C18orf63: variants seen among roughly 807,000 people sequenced by gnomAD.
C18orf63 encodes the protein uncharacterized protein C18orf63.
Under a neutral mutation model 75.3 loss-of-function variants are expected in C18orf63, and 50 were observed. The ratio of observed to expected loss-of-function variants is 0.66; its 90% CI spans 0.53 to 0.84. C18orf63 has a LOEUF of 0.84. C18orf63 is among the 40% of genes least tolerant of loss of function. The probability of loss-of-function intolerance (pLI) is 0.00; values close to 1 mark genes in which losing one functional copy is unlikely to be tolerated. For missense variants in C18orf63, 732 were observed against 800.2 expected (o/e 0.91, Z 1.03); for synonymous variants, 232 against 267.6 (o/e 0.87, Z 1.30).
At chr18:74,319,702 G>A (rs1393649259) in intron 2 of C18orf63, among the ~76,000 whole-genome samples, 1 of 152,118 alleles carries the variant, frequency 6.6e-6, no homozygotes, top group African/African-American at 2.4e-5. Context: ...ACTGATAGGT[G>A]AATCCTTAGA....
Position 74,338,772 on chromosome 18 carries a change from G to C in C18orf63, c.559G>C (p.Ala187Pro), listed in dbSNP as rs943258333. The stretch of plus-strand genomic sequence containing the variant: ...AAAGGATTTTCATGCTAACAAGCAT[G>C]CTGTCATTGAGAGACATTCCATTTT... ...IIKDFHANKH[A>P]VIERHSILSN... Residue 187 changes from alanine to proline, a missense_variant, in exon 8 of 14, where the codon GCT (alanine) becomes CCT (proline). This residue lies in a region of C18orf63 where 233 missense variants were observed against 272.7 expected (regional missense o/e 0.85). Transcript: ENST00000579455. 1.8e-5 allele frequency: 25 copies of C among 1,426,140 alleles called. No individual in the cohort carries two copies. Among genetic ancestry groups the C allele is most frequent in the Admixed American group, 4.4e-5 (2 of 44,948 alleles). The allele number at this position is 1,426,140 out of a possible 1,614,324, so 88.3% of individuals were successfully genotyped here.
chr18:74,352,384 A>T (rs1364179742), intron 11 of C18orf63, among the ~76,000 whole-genome samples: 1 of 152,240 alleles, frequency 6.6e-6, no homozygotes, highest in Admixed American at 6.5e-5. Context: ...TTCACTTAAA[A>T]ATGGTTAAAA....
intron 1 of C18orf63, among the ~76,000 whole-genome samples, chr18:74,316,531 C>T (rs890205114): frequency 6.6e-6 from 1 of 152,166 alleles, no homozygotes; most frequent in Non-Finnish European, 1.5e-5. Context: ...AGGAGCTGGG[C>T]GCTCCCAGAG....
Position 74,343,599 on chromosome 18 carries a change from T to C in C18orf63, c.875T>C (p.Leu292Pro). ...TCGGAAGTTGTGTTGAAAAGTTTTC[T>C]TTCAGATTTAAAATCTAAACTGCCC... Reference protein sequence around the residue: ...VDSEVVLKSFLSDLKSKLPHI... With the variant: ...VDSEVVLKSFPSDLKSKLPHI... Residue 292 changes from leucine (L) to proline (P), a missense_variant, in exon 11 of 14, where the codon CTT (leucine) becomes CCT (proline). Transcript: ENST00000579455. 2 of 1,535,162 alleles carry C rather than the reference T, an allele frequency of 1.3e-6. No individual in the cohort carries two copies. The highest frequency in any genetic ancestry group is 1.4e-5 in the African/African-American group (1 of 73,144).
intron 13 of C18orf63, 93 bp from the exon 14 acceptor site, chr18:74,356,388 C>G (rs1984765596): frequency 1.3e-5 from 2 of 152,476 alleles, no homozygotes; most frequent in South Asian, 4.2e-4. Context: ...ATAATTTCCC[C>G]TAAATATAAA....
At position 74,322,754 on chromosome 18, in the gene C18orf63, G is replaced by A. The variant is rs1175876880; in HGVS notation, c.270G>A (p.Lys90=). Reference sequence around the variant, plus strand: ...CCTATGTTGAAAAATATGGAGCTAAGGTAAGTGTTAAAAAATGATATTAAT... The same window carrying A: ...CCTATGTTGAAAAATATGGAGCTAAAGTAAGTGTTAAAAAATGATATTAAT... The part of the protein sequence containing the change: ...LNAYVEKYGA[K]MEAPQRVIPV... Residue 90 remains lysine, a splice_region_variant and synonymous_variant, in exon 4 of 14, where the codon AAG becomes AAA. Coordinates refer to ENST00000579455, the MANE Select transcript of C18orf63 (RefSeq NM_001174123.2). 11 of 1,278,722 alleles carry A rather than the reference G, an allele frequency of 8.6e-6. No homozygotes were observed. In the East Asian group the frequency reaches 2.8e-4, roughly 33 times the overall value. The allele number at this position is 1,278,722 out of a possible 1,614,324, so 79.2% of individuals were successfully genotyped here. A position where few individuals can be genotyped will look rare whatever the true frequency, so the allele number is the denominator to read the frequency against.
Position 74,342,069 on chromosome 18 carries a change from A to T in C18orf63, c.649A>T (p.Ile217Phe). 6.5e-7 allele frequency: 1 copy of T among 1,528,748 alleles called. No individual in the cohort carries two copies. 94.7% of individuals were successfully genotyped at this position (1,528,748 alleles called of 1,614,324 possible). ...MGQIINIFHAIPAACPFHSYG... is the reference protein window; with the variant it reads ...MGQIINIFHAFPAACPFHSYG... ...ACAAATTATAAATATTTTTCATGCC[A>T]TCCCCGCTGCCTGTCCTTTTCACTC... Residue 217 changes from isoleucine (I) to phenylalanine (F), a missense_variant, in exon 9 of 14, where the codon ATC (isoleucine) becomes TTC (phenylalanine). This residue lies in a region of C18orf63 where 233 missense variants were observed against 272.7 expected (regional missense o/e 0.85). Coordinates refer to ENST00000579455, the MANE Select transcript of C18orf63 (RefSeq NM_001174123.2).
At chr18:74,341,508 T>G (rs1298468150) in intron 8 of C18orf63, among the ~76,000 whole-genome samples, 4 of 151,992 alleles carry the variant, frequency 2.6e-5, no homozygotes, top group African/African-American at 9.7e-5. Flanking sequence ...GGCAAAACCC[T>G]GTCTCTACTA....
chr18:74,330,188 C>G (rs1394437258), intron 6 of C18orf63, among the ~76,000 whole-genome samples: 1 of 152,118 alleles, frequency 6.6e-6, no homozygotes, highest in Non-Finnish European at 1.5e-5. Flanking sequence ...GATTTGTTTT[C>G]TTTTACTTTT....
intron 2 of C18orf63, among the ~76,000 whole-genome samples, chr18:74,318,247 A>C (rs1984060469): frequency 1.3e-5 from 2 of 152,182 alleles, no homozygotes; most frequent in African/African-American, 4.8e-5. Context: ...GTGCTTTTTA[A>C]AAGTTTAAAA....
intron 1 of C18orf63, among the ~76,000 whole-genome samples, chr18:74,317,307 T>A (rs926630509): frequency 2.0e-5 from 3 of 150,910 alleles, no homozygotes; most frequent in Admixed American, 6.6e-5. Flanking sequence ...CTGTAAACTG[T>A]GCCTCCAATA....
At chr18:74,329,208 G>A (rs1984261145) in intron 6 of C18orf63, among the ~76,000 whole-genome samples, 172 bp downstream of exon 6, 1 of 151,898 alleles carries the variant, frequency 6.6e-6, no homozygotes, top group Admixed American at 6.6e-5. Context: ...GGGCAACATG[G>A]TAAGACCCCA....
chr18:74,329,391 A>AAAAAAC (rs1984266648), intron 6 of C18orf63, among the ~76,000 whole-genome samples: 1 of 148,682 alleles, frequency 6.7e-6, no homozygotes. Context: ...AAAAAAAAAA[A>AAAAAAC]AAAAACCAGT....
intron 11 of C18orf63, among the ~76,000 whole-genome samples, chr18:74,348,378 A>T (rs1302479436): frequency 1.3e-5 from 1 of 78,514 alleles, no homozygotes; most frequent in African/African-American, 3.9e-5. Flanking sequence ...TTCTGATTCA[A>T]CTTGAAGCAA....
intron 4 of C18orf63, among the ~76,000 whole-genome samples, chr18:74,325,471 T>C (rs1487640861): frequency 6.6e-6 from 1 of 152,226 alleles, no homozygotes; most frequent in African/African-American, 2.4e-5. Context: ...AAATGTTCCT[T>C]GTCCATTTGA....
At chr18:74,335,244 G>A (rs1417432750) in intron 7 of C18orf63, among the ~76,000 whole-genome samples, 1 of 152,104 alleles carries the variant, frequency 6.6e-6, no homozygotes, top group Admixed American at 6.6e-5. Context: ...TTTGAACTAG[G>A]TGACTTTTGT....
In C18orf63 at chr18:74,359,014, T is replaced by C. The variant is rs1984820694; in HGVS notation, c.*2567T>C. The C allele has an allele frequency of 1.3e-5, 2 of 152,192 alleles. No individual in the cohort carries two copies. The highest frequency in any genetic ancestry group is 4.1e-4 in the South Asian group (2 of 4,834). 9.4% of individuals were successfully genotyped at this position (152,192 alleles called of 1,614,324 possible). On this transcript the variant is annotated 3_prime_UTR_variant, in exon 14 of 14. Transcript: ENST00000579455. ...TGTTTTCAAATTGCATATGATGGGG[T>C]ATTATGCTGAAACTGCTAATATATT... is the stretch of plus-strand genomic sequence containing the variant.
Position 74,342,096 on chromosome 18 carries a change from T to C in C18orf63, c.676T>C (p.Tyr226His), listed in dbSNP as rs1257470868. The C allele has an allele frequency of 7.3e-5, 112 of 1,525,382 alleles. No homozygotes were observed. Among genetic ancestry groups the C allele is most frequent in the Non-Finnish European group, 9.8e-5 (111 of 1,137,708 alleles). The allele number at this position is 1,525,382 out of a possible 1,614,324, so 94.5% of individuals were successfully genotyped here. ...AIPAACPFHS[Y>H]GDFQRHWDAL... Reference sequence around the variant, plus strand: ...CCCCGCTGCCTGTCCTTTTCACTCATATGGAGATTTCCAGAGACACTGGGA... The same window carrying C: ...CCCCGCTGCCTGTCCTTTTCACTCACATGGAGATTTCCAGAGACACTGGGA... Residue 226 changes from tyrosine (Y) to histidine (H), a missense_variant, in exon 9 of 14, where the codon TAT becomes CAT. Around this residue, in one of 3 missense-constraint regions of C18orf63, gnomAD observed 233 missense variants for 272.7 expected, o/e 0.85. Coordinates refer to ENST00000579455, the MANE Select transcript of C18orf63 (RefSeq NM_001174123.2).
intron 3 of C18orf63, among the ~76,000 whole-genome samples, chr18:74,320,805 C>T (rs537905401): frequency 1.3e-5 from 2 of 152,182 alleles, no homozygotes; most frequent in South Asian, 4.2e-4. Context: ...ATTTATTTTT[C>T]TCATTATAAA....
Sources: allele counts gnomAD v4.1 joint callset (sites outside exome capture counted in the v4.1 genomes callset), GRCh38; gene constraint gnomAD v4.1.1; regional missense constraint gnomAD v4.1.1; transcripts MANE v1.5; gene names NCBI Gene and HGNC (gene_info 2026-07-23, HGNC 2026-07-21).